PARD3B: variants seen among roughly 807,000 people sequenced by gnomAD.
The protein encoded by PARD3B is par-3 family cell polarity regulator beta.
A neutral mutation model predicts 130.2 loss-of-function variants in PARD3B; 103 were observed. That is an observed-to-expected ratio of 0.79 (90% CI 0.67 to 0.93). PARD3B has a LOEUF of 0.93. Ranked by LOEUF, PARD3B falls within the 40% of genes least tolerant of loss-of-function variation. The pLI, the probability that PARD3B is intolerant of heterozygous loss-of-function variation, is 0.00. For missense variants in PARD3B, 1,609 were observed against 1,499.2 expected (o/e 1.07, Z -1.21); for synonymous variants, 583 against 553.2 (o/e 1.05, Z -0.76).
chr2:204,557,003 A>G (rs2030969904), intron 1 of PARD3B, among the ~76,000 whole-genome samples: 2 of 148,366 alleles, frequency 1.3e-5, no homozygotes, highest in South Asian at 4.2e-4. Flanking sequence ...TGGGCTTTTC[A>G]GGATTTTTTT....
intron 2 of PARD3B, among the ~76,000 whole-genome samples, chr2:204,703,045 C>T (rs73984273): frequency 0.019 from 2,846 of 152,270 alleles, 91 homozygotes; most frequent in African/African-American, 0.064. Context: ...GTGCTAAAAA[C>T]ATTGCTTATA....
chr2:205,483,503 G>A (rs751785732), intron 20 of PARD3B, among the ~76,000 whole-genome samples: 1 of 152,158 alleles, frequency 6.6e-6, no homozygotes, highest in Non-Finnish European at 1.5e-5. Context: ...CTGAATTAAT[G>A]TTATTCCTGT....
At chr2:205,551,539 G>A (rs2106491128) in intron 21 of PARD3B, among the ~76,000 whole-genome samples, 1 of 152,150 alleles carries the variant, frequency 6.6e-6, no homozygotes, top group Non-Finnish European at 1.5e-5. Context: ...TGCCCTCTCA[G>A]ATAACCCCAG....
At chr2:204,888,563 C>A (rs1442244385) in intron 2 of PARD3B, among the ~76,000 whole-genome samples, 1 of 151,966 alleles carries the variant, frequency 6.6e-6, no homozygotes, top group Non-Finnish European at 1.5e-5. Flanking sequence ...GAAACCCCAT[C>A]TGTACAAAAA....
Position 205,589,749 on chromosome 2 carries a change from T to C in PARD3B, c.3261-25707T>C, listed in dbSNP as rs1446928196. On this transcript the variant is annotated intron_variant, in intron 22 of 22. Transcript: ENST00000406610. The surrounding 1 kb of genome is among the most constrained non-coding windows in gnomAD (Gnocchi z 4.1). ...AGAAGTAGACTAACATAATTGCATATGTAGTTACTAAAGTTAGTTATAGGC... is the reference window on the plus strand; with the variant it reads ...AGAAGTAGACTAACATAATTGCATACGTAGTTACTAAAGTTAGTTATAGGC... Among the ~76,000 whole-genome samples the C allele has an allele frequency of 1.3e-5, 2 of 152,134 alleles. No homozygotes were observed. The highest frequency in any genetic ancestry group is 4.8e-5 in the African/African-American group (2 of 41,428).
At chr2:204,903,403 A>G (rs1216636435) in intron 2 of PARD3B, among the ~76,000 whole-genome samples, 1 of 152,226 alleles carries the variant, frequency 6.6e-6, no homozygotes, top group African/African-American at 2.4e-5. Flanking sequence ...GCCTTAGGAC[A>G]TGCCATTTAA....
chr2:204,998,333 T>TACATAC (rs1481872420), intron 3 of PARD3B, among the ~76,000 whole-genome samples: 1 of 39,074 alleles, frequency 2.6e-5, no homozygotes, highest in South Asian at 8.7e-4. Flanking sequence ...TATATATATA[T>TACATAC]ATATATATAT....
At position 205,101,401 on chromosome 2, in the gene PARD3B, A is replaced by T. The variant is rs115337714; in HGVS notation, c.505-3025A>T. 2.0e-5 allele frequency among the ~76,000 whole-genome samples: 3 copies of T among 152,358 alleles called. No homozygotes were observed. The East Asian group carries it at 5.8e-4, about 29-fold the overall frequency. ...AATGAAAATAAGTTGTGGCAAGTCT[A>T]TGGAGATATTAAAACCCTCATGTAT... On this transcript the variant is annotated intron_variant, in intron 4 of 22. Coordinates refer to ENST00000406610, the MANE Select transcript of PARD3B (RefSeq NM_001302769.2).
At chr2:204,843,422 C>A (rs1464337762) in intron 2 of PARD3B, among the ~76,000 whole-genome samples, 1 of 150,898 alleles carries the variant, frequency 6.6e-6, no homozygotes, top group African/African-American at 2.4e-5. Context: ...TCTTTTTTTT[C>A]TCCATTGCCC....
chr2:205,459,919 A>G (rs1240380240), intron 20 of PARD3B, among the ~76,000 whole-genome samples: 3 of 152,172 alleles, frequency 2.0e-5, no homozygotes, highest in Admixed American at 1.3e-4. Context: ...GCCTTGTTCC[A>G]GCTTCTTTCT....
chr2:205,323,065 C>G (rs1463947162), intron 18 of PARD3B, among the ~76,000 whole-genome samples: 3 of 151,492 alleles, frequency 2.0e-5, no homozygotes, highest in African/African-American at 4.8e-5. Flanking sequence ...CGCCCACCAC[C>G]AAGCCCGGCT....
At chr2:205,132,631 A>G (rs1406694399) in intron 10 of PARD3B, among the ~76,000 whole-genome samples, 1 of 152,158 alleles carries the variant, frequency 6.6e-6, no homozygotes, top group African/African-American at 2.4e-5. Flanking sequence ...GAATCACACA[A>G]TATTATAATT....
intron 1 of PARD3B, among the ~76,000 whole-genome samples, chr2:204,576,580 C>A (rs567452150): frequency 1.3e-5 from 2 of 152,002 alleles, no homozygotes; most frequent in South Asian, 2.1e-4. Context: ...TGCAATAGGC[C>A]GGTGGTTCTC....
At chr2:205,613,503 A>G (rs994671467) in intron 22 of PARD3B, among the ~76,000 whole-genome samples, 1 of 152,216 alleles carries the variant, frequency 6.6e-6, no homozygotes, top group African/African-American at 2.4e-5. Flanking sequence ...AAAGAAAGGG[A>G]AAGGTGAAAT....
Position 205,458,981 on chromosome 2 carries a change from TCTAA to T in PARD3B, c.3044+18312_3044+18315del, listed in dbSNP as rs1420637818. 3.3e-5 allele frequency among the ~76,000 whole-genome samples: 5 copies of T among 152,186 alleles called. No individual in the cohort carries two copies. The stretch of plus-strand genomic sequence containing the variant: ...TCCTAGAGGGTAACCTTTCTGTGAT[TCTAA>T]CTGAGAGTCTGTGTTGTTTACGAGT... On this transcript the variant is annotated intron_variant, in intron 20 of 22. Transcript: ENST00000406610. The surrounding 1 kb of genome is among the most constrained non-coding windows in gnomAD (Gnocchi z 4.8).
chr2:205,015,997 TG>T lies in PARD3B; in HGVS notation c.395-31581del, dbSNP rs1696117703. 6.6e-6 allele frequency among the ~76,000 whole-genome samples: 1 copy of T among 152,096 alleles called. No individual in the cohort carries two copies. The highest frequency in any genetic ancestry group is 1.5e-5 in the Non-Finnish European group (1 of 68,026). On this transcript the variant is annotated intron_variant, in intron 3 of 22. Coordinates refer to ENST00000406610, the MANE Select transcript of PARD3B (RefSeq NM_001302769.2). This position sits in a 1 kb window ranked among gnomAD's most constrained non-coding sequence, Gnocchi z 4.5. ...AGTTGATTTGCCTGGAAATGCAAAATGGGAAAAATTGGTTTTGTCTCTCCAA... is the reference window on the plus strand; with the variant it reads ...AGTTGATTTGCCTGGAAATGCAAAATGGAAAAATTGGTTTTGTCTCTCCAA...
At chr2:205,479,933 T>C (rs2049167183) in intron 20 of PARD3B, among the ~76,000 whole-genome samples, 1 of 147,024 alleles carries the variant, frequency 6.8e-6, no homozygotes, top group Middle Eastern at 3.4e-3. Context: ...GATGGAGTCT[T>C]GCTCTGTCAC....
intron 2 of PARD3B, among the ~76,000 whole-genome samples, chr2:204,913,068 A>C (rs1199392008): frequency 6.6e-6 from 1 of 152,338 alleles, no homozygotes; most frequent in Non-Finnish European, 1.5e-5. Context: ...TCTCAAAATA[A>C]TATTTCCTAA....
chr2:204,665,681 G>A (rs11677461), intron 1 of PARD3B, among the ~76,000 whole-genome samples: 100,259 of 152,064 alleles, frequency 0.66, 36,928 homozygotes, highest in South Asian at 0.81. Context: ...TAGAAGAAAG[G>A]CCCTTTTTGA....
Sources: allele counts gnomAD v4.1 joint callset (sites outside exome capture counted in the v4.1 genomes callset), GRCh38; gene constraint gnomAD v4.1.1; non-coding constraint Gnocchi (gnomAD v3.1); transcripts MANE v1.5; gene names NCBI Gene and HGNC (gene_info 2026-07-23, HGNC 2026-07-21).